Variants in ZNF267 observed in about 807,000 individuals in gnomAD.
The protein encoded by ZNF267 is zinc finger protein 267.
ZNF267 carries 61 observed loss-of-function variants against 71.6 expected under a neutral mutation model. That is an observed-to-expected ratio of 0.85 (90% CI 0.69 to 1.05). The LOEUF is 1.05. ZNF267 is among the 50% of genes least tolerant of loss of function. The pLI is 0.00. For missense variants in ZNF267, 852 were observed against 870.0 expected, an observed-to-expected ratio of 0.98 and a Z score of 0.26; for synonymous variants, 288 against 293.2, an observed-to-expected ratio of 0.98 and a Z score of 0.18.
rs776917596 is a variant in ZNF267, at chr16:31,916,272, C to G, written c.2023C>G (p.Leu675Val). The change falls in exon 4 of 4, where the codon CTC becomes GTC. Residue 675 changes from leucine to valine, a missense_variant. Transcript: ENST00000300870. ...CGKAFNSRSY[L>V]TTHRRRHTGE... ...CAAAGCCTTCAACTCTAGGTCATAC[C>G]TCACTACACATCGGAGAAGACATAC... 1.9e-6 allele frequency: 3 copies of G among 1,614,046 alleles called. No individual in the cohort carries two copies. In the South Asian group the frequency reaches 3.3e-5, roughly 18 times the overall value.
At chr16:31,886,662 A>G (rs1470964617) in intron 3 of ZNF267, among the ~76,000 whole-genome samples, 2 of 152,170 alleles carry the variant, frequency 1.3e-5, no homozygotes, top group Non-Finnish European at 1.5e-5. Context: ...CTATATTTAC[A>G]ATGCTGTACA....
chr16:31,903,643 T>G (rs2084061134), intron 3 of ZNF267, among the ~76,000 whole-genome samples: 1 of 152,192 alleles, frequency 6.6e-6, no homozygotes, highest in South Asian at 2.1e-4. Context: ...ATCCCCTTTG[T>G]CATTTTTTAT....
chr16:31,915,978 A>C lies in ZNF267; in HGVS notation c.1729A>C (p.Lys577Gln). The change falls in exon 4 of 4, where the codon AAA becomes CAA. Residue 577 changes from lysine to glutamine, a missense_variant. By Grantham distance (53) the Lys-to-Gln change is moderately conservative (BLOSUM62 1). Transcript: ENST00000300870. ...AATTCATACTGGAGAAAAACCATAC[A>C]AATGTAAAGCATGTAGCAAATCTTT... ...HRIHTGEKPY[K>Q]CKACSKSFSD... 1.2e-6 allele frequency: 2 copies of C among 1,612,814 alleles called. No homozygotes were observed. Among genetic ancestry groups the C allele is most frequent in the Admixed American group, 3.3e-5 (2 of 60,014 alleles).
chr16:31,891,074 T>C (rs947781012), intron 3 of ZNF267, among the ~76,000 whole-genome samples: 2 of 152,170 alleles, frequency 1.3e-5, no homozygotes, highest in Non-Finnish European at 2.9e-5. Flanking sequence ...TGTTTTTATG[T>C]TTTGATGGCT....
Position 31,917,056 on chromosome 16 carries a change from G to C in ZNF267, c.*575G>C, listed in dbSNP as rs929039563. The C allele has an allele frequency of 2.6e-5, 4 of 152,326 alleles. No individual in the cohort carries two copies. The highest frequency in any genetic ancestry group is 5.9e-5 in the Non-Finnish European group (4 of 68,180). The allele number at this position is 152,326 out of a possible 1,614,324, so 9.4% of individuals were successfully genotyped here. ...TTCATTTGTATTTACAGTATTTGAG[G>C]TTTTTGGAAAGCAAATATTATTTAT... On this transcript the variant is annotated 3_prime_UTR_variant, in exon 4 of 4. Transcript: ENST00000300870.
Position 31,915,161 on chromosome 16 carries a change from T to TG in ZNF267, c.912_913insG (p.Ser305GlufsTer7). On this transcript the variant is annotated frameshift_variant, in exon 4 of 4. Transcript: ENST00000300870. LOFTEE classifies it high-confidence loss of function. ...GCTATAACAAATATGATAAAGATCT[T>TG]AGTCAGTCATCAAATCTTAGAAAGC... 6.2e-7 allele frequency: 1 copy of TG among 1,612,978 alleles called. No individual in the cohort carries two copies. Among genetic ancestry groups the TG allele is most frequent in the Non-Finnish European group, 8.5e-7 (1 of 1,179,658 alleles).
In ZNF267 at chr16:31,915,502, G is replaced by T. The variant is rs762477768; in HGVS notation, c.1253G>T (p.Arg418Leu). 1.2e-6 allele frequency: 2 copies of T among 1,610,882 alleles called. No individual in the cohort carries two copies. The highest frequency in any genetic ancestry group is 2.7e-5 in the African/African-American group (2 of 74,794). ...TGTAAAGAATGTGGCAAAGCCTTTC[G>T]CTGTAGTTCATACCTTACTAAACAT... is the stretch of plus-strand genomic sequence containing the variant. ...YKCKECGKAFRCSSYLTKHKR... is the reference protein window; with the variant it reads ...YKCKECGKAFLCSSYLTKHKR... Residue 418 changes from arginine to leucine, a missense_variant, in exon 4 of 4, where the codon CGC becomes CTC. By Grantham distance (102) the Arg-to-Leu change is moderately radical. Coordinates refer to ENST00000300870, the MANE Select transcript of ZNF267 (RefSeq NM_003414.6).
intron 3 of ZNF267, among the ~76,000 whole-genome samples, chr16:31,894,205 T>C (rs2083980471): frequency 6.6e-6 from 1 of 152,248 alleles, no homozygotes; most frequent in African/African-American, 2.4e-5. Flanking sequence ...TTCTTCAAAT[T>C]TGATGAAATC....
intron 1 of ZNF267, chr16:31,875,026 TA>T (rs1277929056): frequency 1.1e-6 from 1 of 891,370 alleles, no homozygotes; most frequent in Non-Finnish European, 1.6e-6. Flanking sequence ...AAGCAGAGAA[TA>T]AAAAATCCCT....
At position 31,915,462 on chromosome 16, in the gene ZNF267, G is replaced by A. The variant is rs775508368; in HGVS notation, c.1213G>A (p.Glu405Lys). 1.2e-6 allele frequency: 2 copies of A among 1,613,908 alleles called. No homozygotes were observed. The highest frequency in any genetic ancestry group is 2.2e-5 in the South Asian group (2 of 91,054). Residue 405 changes from glutamate (E) to lysine (K), a missense_variant, in exon 4 of 4, where the codon GAG (glutamate) becomes AAG (lysine). By Grantham distance (56) the Glu-to-Lys change is moderately conservative. Transcript: ENST00000300870. ...LIVHQRIHTG[E>K]KPYKCKECGK... ...TGTGCATCAGAGAATTCACACTGGA[G>A]AGAAACCATACAAATGTAAAGAATG...
chr16:31,879,283 C>G (rs2083874088), intron 1 of ZNF267, among the ~76,000 whole-genome samples: 1 of 152,214 alleles, frequency 6.6e-6, no homozygotes, highest in South Asian at 2.1e-4. Context: ...AGGATGAACT[C>G]TCTCTGACAA....
intron 3 of ZNF267, chr16:31,890,143 T>A (rs1476449363): frequency 6.6e-6 from 1 of 152,244 alleles, no homozygotes; most frequent in Non-Finnish European, 1.5e-5. Context: ...TATGGTGTTA[T>A]ACAGGTGAAC....
intron 3 of ZNF267, among the ~76,000 whole-genome samples, chr16:31,902,462 T>C (rs1315644954): frequency 6.6e-6 from 1 of 152,242 alleles, no homozygotes; most frequent in African/African-American, 2.4e-5. Context: ...TATACTCTTA[T>C]TTCATTGAGC....
intron 3 of ZNF267, among the ~76,000 whole-genome samples, chr16:31,907,916 G>T (rs1461374674): frequency 6.6e-6 from 1 of 151,924 alleles, no homozygotes; most frequent in Non-Finnish European, 1.5e-5. Flanking sequence ...GGTGATGGGT[G>T]CTTGTAGTCC....
Position 31,873,976 on chromosome 16 carries a change from G to A in ZNF267, c.3+7G>A. ...TCCCGGAAGCTGGGAAATGGTGAGT[G>A]TGCGGGGTCGGGGGTCCCCAGAGGG... On this transcript the variant is annotated splice_region_variant and intron_variant, in intron 1 of 3. Transcript: ENST00000300870. 6.2e-7 allele frequency: 1 copy of A among 1,612,750 alleles called. No individual in the cohort carries two copies. The highest frequency in any genetic ancestry group is 8.5e-7 in the Non-Finnish European group (1 of 1,179,072).
Position 31,911,641 on chromosome 16 carries a change from G to A in ZNF267, c.227-2835G>A, listed in dbSNP as rs1466170387. Reference sequence around the variant, plus strand: ...ACCCATTCTATGTCATCTAATTGGAGTGTTTAGTGCATTTCCATTCAGCAT... The same window carrying A: ...ACCCATTCTATGTCATCTAATTGGAATGTTTAGTGCATTTCCATTCAGCAT... On this transcript the variant is annotated intron_variant, in intron 3 of 3. Transcript: ENST00000300870. Among the ~76,000 whole-genome samples, 3 of 151,224 alleles carry A rather than the reference G, an allele frequency of 2.0e-5. No homozygotes were observed. In the South Asian group the frequency reaches 6.2e-4, roughly 31 times the overall value.
At chr16:31,901,449 C>T (rs537093802) in intron 3 of ZNF267, among the ~76,000 whole-genome samples, 1 of 152,312 alleles carries the variant, frequency 6.6e-6, no homozygotes, top group African/African-American at 2.4e-5. Context: ...TCTCCACATC[C>T]TCTCCAGCAC....
intron 1 of ZNF267, among the ~76,000 whole-genome samples, chr16:31,878,386 C>G (rs1389971499): frequency 1.3e-5 from 2 of 152,154 alleles, no homozygotes; most frequent in East Asian, 1.9e-4. Flanking sequence ...TTCCCACCCA[C>G]TCCTGAACAT....
At chr16:31,886,958 G>C (rs926081208) in intron 3 of ZNF267, among the ~76,000 whole-genome samples, 3 of 152,104 alleles carry the variant, frequency 2.0e-5, no homozygotes, top group Non-Finnish European at 2.9e-5. Flanking sequence ...CATAATGGCT[G>C]AATCAATTTA....
Sources: gnomAD v4.1 joint callset for allele counts (sites outside exome capture counted in the v4.1 genomes callset) on GRCh38, gnomAD v4.1.1 for gene constraint, MANE v1.5 for transcripts, NCBI Gene and HGNC (gene_info 2026-07-23, HGNC 2026-07-21) for gene names.